The following MGLL variants were observed in gnomAD, a reference collection of about 807,000 sequenced individuals.
MGLL encodes the protein lysophospholipase homolog.
In MGLL, 7 loss-of-function variants were observed where a neutral mutation model predicts 29.1. The observed-to-expected ratio is 0.24, with a 90% CI of 0.14 to 0.45. MGLL has a LOEUF of 0.45. MGLL is among the 20% of genes least tolerant of loss of function. The probability of loss-of-function intolerance (pLI) is 0.99; values close to 1 mark genes in which losing one functional copy is unlikely to be tolerated. For missense variants in MGLL, 356 were observed against 413.6 expected (o/e 0.86, Z 1.21); for synonymous variants, 148 against 168.3 (o/e 0.88, Z 0.93).
intron 3 of MGLL, among the ~76,000 whole-genome samples, chr3:127,737,395 G>T (rs955892331): frequency 1.3e-5 from 2 of 151,230 alleles, no homozygotes; most frequent in African/African-American, 4.9e-5. Context: ...ACAAGCCCAC[G>T]TCAGAAGGTG....
At chr3:127,716,041 C>G in intron 5 of MGLL, 1 of 349,180 alleles carries the variant, frequency 2.9e-6, no homozygotes, top group Non-Finnish European at 5.7e-6. Flanking sequence ...CTGGTGAAAC[C>G]AGGTTTGTGT....
chr3:127,748,402 G>GAA (rs2076490555), intron 3 of MGLL, among the ~76,000 whole-genome samples: 2 of 147,202 alleles, frequency 1.4e-5, no homozygotes, highest in African/African-American at 5.0e-5. Context: ...GGGAGAGAGA[G>GAA]AGAGAAAGAG....
At position 127,695,151 on chromosome 3, in the gene MGLL, C is replaced by T; in HGVS notation, c.640G>A (p.Gly214Arg). ...TGGATGCCGAAGCACACCTTCAGCC[C>T]TGCCCGGCAGATCAGGGGGTCTGAG... ...YNSDPLICRAGLKVCFGIQLL... is the reference protein window; with the variant it reads ...YNSDPLICRARLKVCFGIQLL... Residue 214 changes from glycine (G) to arginine (R), a missense_variant, in exon 7 of 8, where the codon GGG (glycine) becomes AGG (arginine). Gly to Arg is a moderately radical substitution (Grantham distance 125). Transcript: ENST00000265052. 1.9e-6 allele frequency: 3 copies of T among 1,614,196 alleles called. No homozygotes were observed. The highest frequency in any genetic ancestry group is 2.5e-6 in the Non-Finnish European group (3 of 1,180,046).
intron 2 of MGLL, among the ~76,000 whole-genome samples, chr3:127,792,268 CATGCATCTCT>C (rs2077312382): frequency 6.6e-6 from 1 of 152,222 alleles, no homozygotes; most frequent in South Asian, 2.1e-4. Context: ...GTGGTCCACA[CATGCATCTCT>C]AAGATCTGAG....
chr3:127,777,079 G>A (rs1173578837), intron 3 of MGLL, among the ~76,000 whole-genome samples: 3 of 152,142 alleles, frequency 2.0e-5, no homozygotes, highest in Non-Finnish European at 4.4e-5. Context: ...GTTCTCATTA[G>A]GACAACAGTT....
intron 2 of MGLL, among the ~76,000 whole-genome samples, chr3:127,816,619 G>A (rs556889698): frequency 3.9e-5 from 6 of 152,228 alleles, no homozygotes; most frequent in Non-Finnish European, 7.3e-5. Context: ...AATCTACCCA[G>A]GCCTCAGGGC....
Position 127,689,997 on chromosome 3 carries a change from A to T in MGLL, c.*2201T>A, listed in dbSNP as rs1215005295. On this transcript the variant is annotated 3_prime_UTR_variant, in exon 8 of 8. Coordinates refer to ENST00000265052, the MANE Select transcript of MGLL (RefSeq NM_007283.7). Reference sequence around the variant, plus strand: ...CTCTGTGAGAGCCTTCATATAAATAAATTCATGCATCTAAAGAGTCCCTGG... The same window carrying T: ...CTCTGTGAGAGCCTTCATATAAATATATTCATGCATCTAAAGAGTCCCTGG... 6.6e-6 allele frequency: 1 copy of T among 152,200 alleles called. No homozygotes were observed. Among genetic ancestry groups the T allele is most frequent in the Non-Finnish European group, 1.5e-5 (1 of 68,046 alleles). The allele number at this position is 152,200 out of a possible 1,614,324, so 9.4% of individuals were successfully genotyped here.
chr3:127,812,928 T>C (rs1215421790), intron 2 of MGLL, among the ~76,000 whole-genome samples: 1 of 152,166 alleles, frequency 6.6e-6, no homozygotes, highest in Non-Finnish European at 1.5e-5. Flanking sequence ...CATTGGCTTT[T>C]GCTGTTCAGA....
At chr3:127,698,155 C>G (rs1405529000) in intron 6 of MGLL, among the ~76,000 whole-genome samples, 1 of 152,196 alleles carries the variant, frequency 6.6e-6, no homozygotes, top group African/African-American at 2.4e-5. Context: ...GCCCAGCCAC[C>G]AGATGTGTCA....
intron 3 of MGLL, among the ~76,000 whole-genome samples, chr3:127,736,805 C>T (rs1025184354): frequency 6.6e-6 from 1 of 152,214 alleles, no homozygotes; most frequent in Non-Finnish European, 1.5e-5. Context: ...AATGATCCTC[C>T]TGCCTCAGCT....
At chr3:127,707,968 G>T (rs1273551684) in intron 6 of MGLL, among the ~76,000 whole-genome samples, 1 of 152,202 alleles carries the variant, frequency 6.6e-6, no homozygotes, top group Non-Finnish European at 1.5e-5. Flanking sequence ...CAGAATTCCA[G>T]ATCTTCCCTG....
At chr3:127,722,280 GCC>G in intron 4 of MGLL, 148 bp downstream of exon 4, 2 of 1,122,990 alleles carry the variant, frequency 1.8e-6, no homozygotes, top group South Asian at 2.6e-5. Context: ...GCACGGAATT[GCC>G]CAGGAACTCC....
chr3:127,770,847 C>T (rs539797399), intron 3 of MGLL, among the ~76,000 whole-genome samples: 1 of 152,102 alleles, frequency 6.6e-6, no homozygotes, highest in Admixed American at 6.5e-5. Context: ...TGCCAAGGGT[C>T]ACAGGCTGAG....
At chr3:127,748,234 A>G (rs1459587680) in intron 3 of MGLL, among the ~76,000 whole-genome samples, 1 of 152,104 alleles carries the variant, frequency 6.6e-6, no homozygotes, top group East Asian at 1.9e-4. Flanking sequence ...TCCACACCAC[A>G]AAGAGGCGCC....
At chr3:127,701,351 G>A (rs60981989) in intron 6 of MGLL, among the ~76,000 whole-genome samples, 5 of 152,156 alleles carry the variant, frequency 3.3e-5, no homozygotes, top group South Asian at 2.1e-4. Context: ...TGGCCATGGC[G>A]TGCTTCCTCT....
At position 127,715,734 on chromosome 3, in the gene MGLL, C is replaced by T. The variant is rs975231035; in HGVS notation, c.511-5069G>A. On this transcript the variant is annotated intron_variant, in intron 5 of 7. Transcript: ENST00000265052. ...GGGGAAGGAAGGAGTCATGGCAGGT[C>T]CCGCACCCAGATGGATCACATTGTC... 6.6e-6 allele frequency: 3 copies of T among 456,644 alleles called. No individual in the cohort carries two copies. In the Admixed American group the frequency reaches 7.0e-5, roughly 11 times the overall value. 28.3% of individuals were successfully genotyped at this position (456,644 alleles called of 1,614,324 possible).
intron 2 of MGLL, among the ~76,000 whole-genome samples, chr3:127,817,606 G>A (rs1293765627): frequency 3.3e-5 from 5 of 152,238 alleles, no homozygotes; most frequent in African/African-American, 1.2e-4. Flanking sequence ...AGGGGTCAGA[G>A]TTGTACAATC....
intron 2 of MGLL, among the ~76,000 whole-genome samples, chr3:127,782,875 G>A (rs1382299240): frequency 6.6e-6 from 1 of 152,142 alleles, no homozygotes; most frequent in African/African-American, 2.4e-5. Flanking sequence ...CTTTACAGAT[G>A]AGAGTGAAAT....
intron 2 of MGLL, among the ~76,000 whole-genome samples, chr3:127,810,394 C>T (rs1221304108): frequency 2.0e-5 from 3 of 152,202 alleles, no homozygotes; most frequent in Admixed American, 6.5e-5. Flanking sequence ...CTTCGGACTC[C>T]AGTTTCCAAA....
Sources: gnomAD v4.1 joint callset for allele counts (sites outside exome capture counted in the v4.1 genomes callset) on GRCh38, gnomAD v4.1.1 for gene constraint, MANE v1.5 for transcripts, NCBI Gene and HGNC (gene_info 2026-07-23, HGNC 2026-07-21) for gene names.